Variants in DNM3 observed in about 807,000 individuals in gnomAD.
DNM3 encodes the protein dynamin 3.
In DNM3, 47 loss-of-function variants were observed where a neutral mutation model predicts 101.6. The observed-to-expected ratio is 0.46, with a 90% CI of 0.37 to 0.59. The LOEUF is 0.59. Among genes scored for constraint, DNM3 ranks in the 20% least tolerant of loss-of-function variants. The pLI is 0.00. For synonymous variants in DNM3, 385 were observed against 387.9 expected, an observed-to-expected ratio of 0.99 and a Z score of 0.09; for missense variants, 849 against 1,085.7, an observed-to-expected ratio of 0.78 and a Z score of 3.06.
At chr1:172,232,067 A>G (rs1454799160) in intron 14 of DNM3, among the ~76,000 whole-genome samples, 2 of 152,204 alleles carry the variant, frequency 1.3e-5, no homozygotes, top group East Asian at 3.8e-4. Flanking sequence ...AATGGGCTAA[A>G]TGCTCCAATT....
chr1:172,135,289 G>A (rs1471593268), intron 14 of DNM3, among the ~76,000 whole-genome samples: 1 of 152,118 alleles, frequency 6.6e-6, no homozygotes, highest in Non-Finnish European at 1.5e-5. Flanking sequence ...AGCACTGATA[G>A]GAGACACTAA....
At chr1:172,404,902 G>C (rs1479598923) in intron 20 of DNM3, among the ~76,000 whole-genome samples, 1 of 152,028 alleles carries the variant, frequency 6.6e-6, no homozygotes, top group African/African-American at 2.4e-5. Flanking sequence ...GCATGAAGCA[G>C]TCCACATATT....
intron 14 of DNM3, among the ~76,000 whole-genome samples, chr1:172,145,490 G>T (rs2057843116): frequency 6.6e-6 from 1 of 151,706 alleles, no homozygotes; most frequent in Admixed American, 6.6e-5. Context: ...GACTTGAACA[G>T]TAATTATAGC....
At chr1:171,892,928 C>T (rs2037426038) in intron 1 of DNM3, among the ~76,000 whole-genome samples, 1 of 150,628 alleles carries the variant, frequency 6.6e-6, no homozygotes, top group Admixed American at 6.6e-5. Flanking sequence ...GGTGGTAATG[C>T]TGTTGCCCAC....
At chr1:171,984,454 C>T (rs528595663) in intron 2 of DNM3, among the ~76,000 whole-genome samples, 4 of 152,266 alleles carry the variant, frequency 2.6e-5, no homozygotes, top group East Asian at 1.9e-4. Context: ...CTCAACATGC[C>T]GAACACACAT....
At chr1:172,415,042 C>T (rs750489801), downstream of DNM3, among the ~76,000 whole-genome samples, 6 of 152,180 alleles carry the variant, frequency 3.9e-5, no homozygotes, top group Non-Finnish European at 7.3e-5. Context: ...TGTGATCGTG[C>T]CACTGCATTC....
At chr1:172,163,445 A>G (rs558114298) in intron 14 of DNM3, among the ~76,000 whole-genome samples, 20 of 151,860 alleles carry the variant, frequency 1.3e-4, no homozygotes, top group South Asian at 4.2e-4. Context: ...TCGCCATGTT[A>G]GCCAGGATGG....
rs1190641543 is a variant in DNM3, at chr1:172,061,084, A to G, written c.1336-7735A>G. Among the ~76,000 whole-genome samples, 6 of 143,724 alleles carry G rather than the reference A, an allele frequency of 4.2e-5. No homozygotes were observed. The South Asian group carries it at 9.0e-4, about 22-fold the overall frequency. 94.3% of individuals were successfully genotyped at this position (143,724 alleles called of 152,430 possible). The stretch of plus-strand genomic sequence containing the variant: ...AAAGAAGACATTTATGCAGCCAAAA[A>G]ACACATGAAAAAATGCTCATCATCA... On this transcript the variant is annotated intron_variant, in intron 10 of 20. Transcript: ENST00000627582.
Position 172,048,647 on chromosome 1 carries a change from C to T in DNM3, c.1232C>T (p.Ala411Val), listed in dbSNP as rs760422946. ...TTTACTCCAGACATGGCATTTGAAG[C>T]GATAGTCAAGAAACAGATTGTAAAG... ...GLFTPDMAFEAIVKKQIVKLK... is the reference protein window; with the variant it reads ...GLFTPDMAFEVIVKKQIVKLK... Residue 411 changes from alanine to valine, a missense_variant, in exon 10 of 21, where the codon GCG (alanine) becomes GTG (valine). Ala to Val is a moderately conservative substitution (Grantham distance 64). Transcript: ENST00000627582. The T allele has an allele frequency of 5.6e-6, 9 of 1,613,318 alleles. No homozygotes were observed. The South Asian group carries it at 6.6e-5, about 12-fold the overall frequency.
rs577974024 is a variant in DNM3 at position 172,335,122 on chromosome 1, A to G, written c.1893+11782A>G. ...CAATAACTTGACTCATGGATTGTCAAGCAGAAACTTTTTTGACCAGGGTAT... is the reference window on the plus strand; with the variant it reads ...CAATAACTTGACTCATGGATTGTCAGGCAGAAACTTTTTTGACCAGGGTAT... On this transcript the variant is annotated intron_variant, in intron 17 of 20. Transcript: ENST00000627582. Among the ~76,000 whole-genome samples the G allele has an allele frequency of 4.6e-5, 7 of 152,178 alleles. No individual in the cohort carries two copies. In the East Asian group the frequency reaches 1.4e-3, roughly 29 times the overall value.
chr1:172,218,368 G>A (rs1350634368), intron 14 of DNM3, among the ~76,000 whole-genome samples: 7 of 151,890 alleles, frequency 4.6e-5, no homozygotes, highest in Admixed American at 2.0e-4. Flanking sequence ...AAAGAATTTT[G>A]TTCTTTGTTA....
At chr1:172,310,249 C>G (rs1206867887) in intron 16 of DNM3, 1 of 152,114 alleles carries the variant, frequency 6.6e-6, no homozygotes, top group East Asian at 1.9e-4. Flanking sequence ...TGTTTAATTT[C>G]ACAAATGTTC....
chr1:172,126,334 A>C (rs2148045757), intron 13 of DNM3, among the ~76,000 whole-genome samples: 1 of 152,352 alleles, frequency 6.6e-6, no homozygotes, highest in South Asian at 2.1e-4. Flanking sequence ...TTTCTTCACA[A>C]CATGGCAGCT....
Position 172,408,392 on chromosome 1 carries a change from A to G in DNM3, c.*551A>G. On this transcript the variant is annotated 3_prime_UTR_variant, in exon 21 of 21. Coordinates refer to ENST00000627582, the MANE Select transcript of DNM3 (RefSeq NM_015569.5). Reference sequence around the variant, plus strand: ...TTAAAATTAGGACTCCTTAAGAATAAACTTTTCCAGAAGCACGAGGTAGTT... The same window carrying G: ...TTAAAATTAGGACTCCTTAAGAATAGACTTTTCCAGAAGCACGAGGTAGTT... 1.1e-5 allele frequency: 11 copies of G among 985,932 alleles called. No individual in the cohort carries two copies. The highest frequency in any genetic ancestry group is 1.1e-5 in the Non-Finnish European group (9 of 830,308). 61.1% of individuals were successfully genotyped at this position (985,932 alleles called of 1,614,324 possible). A position where few individuals can be genotyped will look rare whatever the true frequency, so the allele number is the denominator to read the frequency against.
intron 1 of DNM3, among the ~76,000 whole-genome samples, chr1:171,921,355 G>A (rs1001768637): frequency 2.6e-5 from 4 of 152,088 alleles, no homozygotes; most frequent in Non-Finnish European, 4.4e-5. Flanking sequence ...AGGCCAAAGA[G>A]CGTACTGGGT....
At chr1:171,958,556 C>T (rs12028426) in intron 2 of DNM3, among the ~76,000 whole-genome samples, 28,048 of 151,912 alleles carry the variant, frequency 0.18, 3,797 homozygotes, top group African/African-American at 0.37. Flanking sequence ...ACAAGGAGCT[C>T]GTGGACAAAG....
At chr1:171,945,879 G>A (rs1278505370) in intron 2 of DNM3, among the ~76,000 whole-genome samples, 2 of 152,122 alleles carry the variant, frequency 1.3e-5, no homozygotes, top group African/African-American at 4.8e-5. Flanking sequence ...GGGAGAGAAT[G>A]TTCTAAACAG....
At chr1:171,965,017 A>G (rs1021616868) in intron 2 of DNM3, among the ~76,000 whole-genome samples, 1 of 152,036 alleles carries the variant, frequency 6.6e-6, no homozygotes, top group Non-Finnish European at 1.5e-5. Context: ...TCTGACACTA[A>G]CTATTCAGTT....
At chr1:171,854,903 CA>C (rs2033428650) in intron 1 of DNM3, among the ~76,000 whole-genome samples, 1 of 151,990 alleles carries the variant, frequency 6.6e-6, no homozygotes, top group Non-Finnish European at 1.5e-5. Flanking sequence ...ATTTTAGGTT[CA>C]GGGGCACATG....
Sources: gnomAD v4.1 joint callset for allele counts (sites outside exome capture counted in the v4.1 genomes callset) on GRCh38, gnomAD v4.1.1 for gene constraint, MANE v1.5 for transcripts, NCBI Gene and HGNC (gene_info 2026-07-23, HGNC 2026-07-21) for gene names.